The following PLAA variants were observed in gnomAD, a reference collection of about 807,000 sequenced individuals.
The protein encoded by PLAA is phospholipase A-2-activating protein.
PLAA carries 48 observed loss-of-function variants against 84.1 expected under a neutral mutation model. That is an observed-to-expected ratio of 0.57 (90% CI 0.45 to 0.73). PLAA has a LOEUF of 0.73. Among genes scored for constraint, PLAA ranks in the 30% least tolerant of loss-of-function variants. The pLI is 0.00. For missense variants in PLAA, 903 were observed against 954.7 expected (o/e 0.95, Z 0.71); for synonymous variants, 392 against 336.6 (o/e 1.16, Z -1.80).
intron 1 of PLAA, among the ~76,000 whole-genome samples, chr9:26,944,068 G>A (rs1016569299): frequency 6.6e-6 from 1 of 152,206 alleles, no homozygotes; most frequent in African/African-American, 2.4e-5. Flanking sequence ...CCTTTAAGAG[G>A]TGATTAGATC....
At position 26,928,290 on chromosome 9, in the gene PLAA, T is replaced by A; in HGVS notation, c.444+18A>T. 3 of 1,613,808 alleles carry A rather than the reference T, an allele frequency of 1.9e-6. No individual in the cohort carries two copies. Among genetic ancestry groups the A allele is most frequent in the Non-Finnish European group, 2.5e-6 (3 of 1,179,692 alleles). On this transcript the variant is annotated intron_variant, in intron 3 of 13. Transcript: ENST00000397292. ...CAACTTAATTATTCTTTAGAATATT[T>A]ACACAGAACTACTGTACCTGCAAGG...
chr9:26,938,034 A>G (rs745900029), intron 1 of PLAA, among the ~76,000 whole-genome samples: 72 of 152,202 alleles, frequency 4.7e-4, no homozygotes, highest in Admixed American at 1.1e-3. Flanking sequence ...CATGAATATA[A>G]ACATCCAAAG....
At chr9:26,927,051 A>G (rs535702589) in intron 4 of PLAA, among the ~76,000 whole-genome samples, 1 of 152,034 alleles carries the variant, frequency 6.6e-6, no homozygotes, top group South Asian at 2.1e-4. Context: ...ATATATATAG[A>G]CTATATACTG....
intron 11 of PLAA, among the ~76,000 whole-genome samples, chr9:26,913,163 T>C (rs970881546): frequency 6.6e-6 from 1 of 152,160 alleles, no homozygotes; most frequent in Non-Finnish European, 1.5e-5. Flanking sequence ...ATTTCTCTCA[T>C]ATAAATTACA....
rs1788630048 is a variant in PLAA at position 26,946,229 on chromosome 9, A to T, written c.149+668T>A. Among the ~76,000 whole-genome samples the T allele has an allele frequency of 2.6e-5, 4 of 151,824 alleles. No individual in the cohort carries two copies. The East Asian group carries it at 7.7e-4, about 29-fold the overall frequency. The stretch of plus-strand genomic sequence containing the variant: ...TTACAACCAGCCAAATCAGGGCTGA[A>T]CCCGTGAACTCGATCAGGACTGATT... On this transcript the variant is annotated intron_variant, in intron 1 of 13. Transcript: ENST00000397292.
In PLAA at chr9:26,905,914, G is replaced by C; in HGVS notation, c.1985C>G (p.Thr662Ser). The C allele has an allele frequency of 1.2e-6, 2 of 1,614,126 alleles. No homozygotes were observed. Among genetic ancestry groups the C allele is most frequent in the Non-Finnish European group, 1.7e-6 (2 of 1,180,034 alleles). Residue 662 changes from threonine to serine, a missense_variant, in exon 14 of 14, where the codon ACT (threonine) becomes AGT (serine). Coordinates refer to ENST00000397292, the MANE Select transcript of PLAA (RefSeq NM_001031689.3). ...CTGGCCAACAAAACAATTGCAAAAAGTCCTGAGAGCAAGCAGCTGGTTTGC... is the reference window on the plus strand; with the variant it reads ...CTGGCCAACAAAACAATTGCAAAAACTCCTGAGAGCAAGCAGCTGGTTTGC... ...KPANQLLALR[T>S]FCNCFVGQAG...
At position 26,925,964 on chromosome 9, in the gene PLAA, A is replaced by C. The variant is rs945153272; in HGVS notation, c.734-4T>G. On this transcript the variant is annotated splice_region_variant and splice_polypyrimidine_tract_variant and intron_variant, in intron 5 of 13. Transcript: ENST00000397292. ...TCCTCTGCTGTTGTCACAAAGTCTAAAATTAATGAATATAGGAAGTATTAG... is the reference window on the plus strand; with the variant it reads ...TCCTCTGCTGTTGTCACAAAGTCTACAATTAATGAATATAGGAAGTATTAG... The C allele has an allele frequency of 4.4e-6, 7 of 1,608,876 alleles. No homozygotes were observed. The highest frequency in any genetic ancestry group is 6.0e-6 in the Non-Finnish European group (7 of 1,175,306).
At chr9:26,918,459 A>T (rs1824645819) in intron 9 of PLAA, among the ~76,000 whole-genome samples, 1 of 152,060 alleles carries the variant, frequency 6.6e-6, no homozygotes, top group Non-Finnish European at 1.5e-5. Flanking sequence ...CATGCAGGTA[A>T]CATTAGTTTT....
Position 26,928,111 on chromosome 9 carries a change from C to T in PLAA, c.554G>A (p.Arg185Lys). The T allele has an allele frequency of 6.2e-7, 1 of 1,613,566 alleles. No homozygotes were observed. The highest frequency in any genetic ancestry group is 8.5e-7 in the Non-Finnish European group (1 of 1,179,854). The change falls in exon 4 of 14, where the codon AGG (arginine) becomes AAG (lysine). Residue 185 changes from arginine (R) to lysine (K), a missense_variant. Physicochemically the swap from Arg to Lys is conservative, Grantham distance 26. Transcript: ENST00000397292. ...TACCCTGATCTTACCTGAAAAAGTC[C>T]TCTCACATCTTCCAGCCTTCCACAG... Reference protein sequence around the residue: ...VKLWKAGRCERTFSGHEDCVR... With the variant: ...VKLWKAGRCEKTFSGHEDCVR...
intron 11 of PLAA, among the ~76,000 whole-genome samples, chr9:26,910,849 TA>T (rs1308115760): frequency 2.0e-5 from 3 of 152,102 alleles, no homozygotes; most frequent in Admixed American, 6.5e-5. Context: ...TTATAAATTT[TA>T]AAAAAGTCAA....
At chr9:26,945,803 C>T (rs886249390) in intron 1 of PLAA, among the ~76,000 whole-genome samples, 11 of 152,218 alleles carry the variant, frequency 7.2e-5, no homozygotes, top group Non-Finnish European at 1.6e-4. Flanking sequence ...TCAATCCTCC[C>T]TATTTGCTCT....
rs1406767063 is a variant in PLAA, at chr9:26,925,831, C to T, written c.863G>A (p.Gly288Asp). The change falls in exon 6 of 14, where the codon GGT (glycine) becomes GAT (aspartate). Residue 288 changes from glycine (G) to aspartate (D), a missense_variant. Transcript: ENST00000397292. ...TTGACTAGAATATAAATACCTCGCA[C>T]CAACCACAATGTCACCATTGTCGAG... ...CVLDNGDIVV[G>D]ASDGIIRVFT... is the part of the protein sequence containing the mutation. 6.2e-7 allele frequency: 1 copy of T among 1,613,860 alleles called. No homozygotes were observed. Among genetic ancestry groups the T allele is most frequent in the South Asian group, 1.1e-5 (1 of 91,060 alleles).
intron 2 of PLAA, among the ~76,000 whole-genome samples, chr9:26,932,223 G>C (rs200175806): frequency 1.3e-5 from 1 of 74,998 alleles, no homozygotes; most frequent in Non-Finnish European, 2.3e-5. Context: ...TTTTTGTTTT[G>C]TTTTGTTTTG....
At chr9:26,908,167 C>CTTTTT (rs375603485) in intron 12 of PLAA, among the ~76,000 whole-genome samples, 169 bp from the exon 13 acceptor site, 1 of 135,070 alleles carries the variant, frequency 7.4e-6, no homozygotes. Context: ...TGAGCTTTGT[C>CTTTTT]TTTTTTTTTT....
Position 26,926,566 on chromosome 9 carries a change from T to C in PLAA, c.566-6A>G. ...TCTTACACAGTCTTCATGCCCTGCATTAAAAAACAATAATGCAAATCAATA... is the reference window on the plus strand; with the variant it reads ...TCTTACACAGTCTTCATGCCCTGCACTAAAAAACAATAATGCAAATCAATA... On this transcript the variant is annotated splice_polypyrimidine_tract_variant and splice_region_variant and intron_variant, in intron 4 of 13. Transcript: ENST00000397292. 6.2e-7 allele frequency: 1 copy of C among 1,605,924 alleles called. No individual in the cohort carries two copies. The highest frequency in any genetic ancestry group is 8.5e-7 in the Non-Finnish European group (1 of 1,175,208).
chr9:26,923,519 A>C (rs964542549), intron 6 of PLAA, among the ~76,000 whole-genome samples, 172 bp from the exon 7 acceptor site: 8 of 152,264 alleles, frequency 5.3e-5, no homozygotes, highest in African/African-American at 1.9e-4. Context: ...CTACTCTATT[A>C]TGTCAACTAT....
At chr9:26,934,934 G>T in intron 2 of PLAA, 79 bp downstream of exon 2, 1 of 1,077,142 alleles carries the variant, frequency 9.3e-7, no homozygotes, top group South Asian at 1.5e-5. Flanking sequence ...ATAAAAACTT[G>T]AGAAAATGGA....
At chr9:26,944,212 T>TGATA (rs1825622146) in intron 1 of PLAA, among the ~76,000 whole-genome samples, 2 of 152,136 alleles carry the variant, frequency 1.3e-5, no homozygotes, top group Non-Finnish European at 2.9e-5. Flanking sequence ...CACCATAGGA[T>TGATA]GATACAGCAG....
intron 4 of PLAA, 39 bp from the exon 5 acceptor site, chr9:26,926,599 T>A: frequency 6.6e-7 from 1 of 1,512,024 alleles, no homozygotes; most frequent in Non-Finnish European, 9.1e-7. Flanking sequence ...ATAAAACTGA[T>A]AATTTGGCTG....
Sources: gnomAD v4.1 joint callset for allele counts (sites outside exome capture counted in the v4.1 genomes callset) on GRCh38, gnomAD v4.1.1 for gene constraint, MANE v1.5 for transcripts, NCBI Gene and HGNC (gene_info 2026-07-23, HGNC 2026-07-21) for gene names.